Variants in CREM observed in about 807,000 individuals in gnomAD.
CREM encodes cAMP responsive element modulator.
In CREM, 13 loss-of-function variants were observed where a neutral mutation model predicts 37.3. The ratio of observed to expected loss-of-function variants is 0.35; its 90% CI spans 0.23 to 0.55. CREM has a LOEUF of 0.55. CREM is among the 20% of genes least tolerant of loss of function. The pLI is 0.88. For synonymous variants in CREM, 124 were observed against 120.2 expected, an observed-to-expected ratio of 1.03 and a Z score of -0.21; for missense variants, 296 against 362.3, an observed-to-expected ratio of 0.82 and a Z score of 1.49.
chr10:35,154,598 A>T (rs1381197784), intron 3 of CREM: 1 of 152,156 alleles, frequency 6.6e-6, no homozygotes, highest in African/African-American at 2.4e-5. Flanking sequence ...ATTTTTATGT[A>T]TTCTTTCCCC....
Position 35,135,878 on chromosome 10 carries a change from G to A in CREM, c.-54-1904G>A, listed in dbSNP as rs1487375569. 3.3e-5 allele frequency among the ~76,000 whole-genome samples: 5 copies of A among 152,132 alleles called. No individual in the cohort carries two copies. In the South Asian group the frequency reaches 8.3e-4, roughly 25 times the overall value. On this transcript the variant is annotated intron_variant, in intron 1 of 7. Coordinates refer to ENST00000685392, the MANE Select transcript of CREM (RefSeq NM_183011.2). The stretch of plus-strand genomic sequence containing the variant: ...AAATAGAGGGGGAAATGCTGTAGGG[G>A]TATTGAGGAAGATGGGGACTAGAAA...
At chr10:35,180,769 GC>G (rs2094318277) in intron 5 of CREM, among the ~76,000 whole-genome samples, 2 of 152,200 alleles carry the variant, frequency 1.3e-5, no homozygotes, top group African/African-American at 4.8e-5. Flanking sequence ...AGCCTCTACA[GC>G]ACAGCACGCA....
intron 5 of CREM, among the ~76,000 whole-genome samples, chr10:35,182,135 A>G (rs945975033): frequency 6.6e-6 from 1 of 152,242 alleles, no homozygotes; most frequent in Non-Finnish European, 1.5e-5. Flanking sequence ...GAATACTAAC[A>G]ACATTCAAAC....
intron 1 of CREM, among the ~76,000 whole-genome samples, chr10:35,131,956 C>T (rs902353886): frequency 6.6e-6 from 1 of 152,110 alleles, no homozygotes; most frequent in Admixed American, 6.6e-5. Context: ...TGGCTCACGC[C>T]TGTAATCCCA....
intron 3 of CREM, among the ~76,000 whole-genome samples, chr10:35,173,346 G>A (rs894110769): frequency 6.6e-6 from 1 of 152,080 alleles, no homozygotes; most frequent in African/African-American, 2.4e-5. Context: ...GTCTTTGTGA[G>A]GCCCAGATTT....
chr10:35,212,398 T>A lies in CREM; in HGVS notation c.*1000T>A, dbSNP rs2134960015. ...GGTTGCACTTTGTAGTGTTTGGTGC[T>A]CATTTAAATATCTGAACATTTACTA... On this transcript the variant is annotated 3_prime_UTR_variant, in exon 8 of 8. Transcript: ENST00000685392. 6.5e-6 allele frequency: 1 copy of A among 152,710 alleles called. No homozygotes were observed. Among genetic ancestry groups the A allele is most frequent in the Non-Finnish European group, 1.5e-5 (1 of 68,044 alleles). 9.5% of individuals were successfully genotyped at this position (152,710 alleles called of 1,614,324 possible).
At chr10:35,160,058 A>G (rs898283895) in intron 3 of CREM, among the ~76,000 whole-genome samples, 2 of 151,664 alleles carry the variant, frequency 1.3e-5, no homozygotes, top group African/African-American at 4.8e-5. Flanking sequence ...TGGTGTGGTG[A>G]TTTCATCTTT....
chr10:35,187,036 T>G (rs1467722694), intron 5 of CREM, among the ~76,000 whole-genome samples: 1 of 71,770 alleles, frequency 1.4e-5, no homozygotes, highest in Non-Finnish European at 2.4e-5. Context: ...TCACATATAA[T>G]ATATATTATA....
chr10:35,163,089 C>G (rs976150229), intron 3 of CREM, among the ~76,000 whole-genome samples: 5 of 151,838 alleles, frequency 3.3e-5, no homozygotes, highest in African/African-American at 1.2e-4. Context: ...GCCTGTAGTG[C>G]TATCTACTCA....
In CREM at chr10:35,148,394, C is replaced by A. The variant is rs1281635811; in HGVS notation, c.71C>A (p.Ser24Tyr). Residue 24 changes from serine to tyrosine, a missense_variant, in exon 3 of 8, where the codon TCC (serine) becomes TAC (tyrosine). Around this residue, in one of 2 missense-constraint regions of CREM, gnomAD observed 257 missense variants for 280.2 expected, o/e 0.92. Transcript: ENST00000685392. ...PRQMTMETVE[S>Y]QHDGSITASL... ...CAAATGACCATGGAAACAGTTGAATCCCAGCATGATGGAAGTATAACAGCT... is the reference window on the plus strand; with the variant it reads ...CAAATGACCATGGAAACAGTTGAATACCAGCATGATGGAAGTATAACAGCT... 6.2e-7 allele frequency: 1 copy of A among 1,612,648 alleles called. No individual in the cohort carries two copies. Among genetic ancestry groups the A allele is most frequent in the East Asian group, 2.2e-5 (1 of 44,752 alleles).
chr10:35,185,906 T>G (rs959742991), intron 5 of CREM, among the ~76,000 whole-genome samples: 1 of 152,188 alleles, frequency 6.6e-6, no homozygotes, highest in Non-Finnish European at 1.5e-5. Flanking sequence ...ACTGGCACCT[T>G]AGGTGAAAGA....
At chr10:35,143,072 G>T (rs2091644551) in intron 2 of CREM, among the ~76,000 whole-genome samples, 1 of 152,204 alleles carries the variant, frequency 6.6e-6, no homozygotes, top group South Asian at 2.1e-4. Flanking sequence ...CCAGGTTCAA[G>T]CAATTCTCCT....
chr10:35,171,769 A>G (rs923610476), intron 3 of CREM, among the ~76,000 whole-genome samples: 1 of 152,220 alleles, frequency 6.6e-6, no homozygotes, highest in African/African-American at 2.4e-5. Context: ...ATGTACTTGG[A>G]AAAAAGAGTA....
intron 2 of CREM, among the ~76,000 whole-genome samples, chr10:35,143,787 C>T (rs542626411): frequency 6.6e-6 from 1 of 152,180 alleles, no homozygotes; most frequent in East Asian, 1.9e-4. Context: ...TGGGAAGCAA[C>T]AGTGGGGAAC....
intron 3 of CREM, among the ~76,000 whole-genome samples, chr10:35,149,360 T>C (rs1434235940): frequency 6.6e-6 from 1 of 152,166 alleles, no homozygotes; most frequent in African/African-American, 2.4e-5. Context: ...GTATTGAGTT[T>C]AACTGGAGCC....
chr10:35,148,701 C>A (rs1160663486), intron 3 of CREM: 3 of 481,920 alleles, frequency 6.2e-6, no homozygotes, highest in Middle Eastern at 5.4e-4. Flanking sequence ...ATTGCCACCA[C>A]CACTATGGAA....
chr10:35,210,971 T>C (rs2095652618), intron 7 of CREM, among the ~76,000 whole-genome samples: 1 of 152,252 alleles, frequency 6.6e-6, no homozygotes, highest in Non-Finnish European at 1.5e-5. Context: ...GGTCCTATTG[T>C]AGTTTACTGA....
At chr10:35,193,155 G>T (rs1334976976) in intron 6 of CREM, among the ~76,000 whole-genome samples, 1 of 152,118 alleles carries the variant, frequency 6.6e-6, no homozygotes, top group Non-Finnish European at 1.5e-5. Context: ...CTTGCTAGAT[G>T]GTAAGTTCTA....
At chr10:35,144,870 T>C (rs1250049317) in intron 2 of CREM, among the ~76,000 whole-genome samples, 1 of 151,932 alleles carries the variant, frequency 6.6e-6, no homozygotes, top group Non-Finnish European at 1.5e-5. Flanking sequence ...TATTGAGTTG[T>C]AACTTCCAGG....
Sources: gnomAD v4.1 joint callset for allele counts (sites outside exome capture counted in the v4.1 genomes callset) on GRCh38, gnomAD v4.1.1 for gene constraint, gnomAD v4.1.1 regional missense constraint, MANE v1.5 for transcripts, NCBI Gene and HGNC (gene_info 2026-07-23, HGNC 2026-07-21) for gene names.